WNK3: variants seen among roughly 807,000 people sequenced by gnomAD.
WNK3 encodes the protein serine/threonine-protein kinase WNK3.
A neutral mutation model predicts 116.7 loss-of-function variants in WNK3; 18 were observed. That is an observed-to-expected ratio of 0.15 (90% CI 0.11 to 0.23). The LOEUF is 0.23. WNK3 is among the 10% of genes least tolerant of loss of function. The pLI is 1.00. For missense variants in WNK3, 993 were observed against 1,323.8 expected (o/e 0.75, Z 3.88); for synonymous variants, 404 against 469.4 (o/e 0.86, Z 1.80).
chrX:54,286,641 G>C (rs1478525361), intron 10 of WNK3, among the ~76,000 whole-genome samples: 2 of 111,059 alleles, frequency 1.8e-5, no homozygotes, highest in African/African-American at 6.6e-5. Context: ...GGCTGGGCAT[G>C]GTGGCTCACG....
chrX:54,324,407 A>G (rs1172922226), intron 2 of WNK3, among the ~76,000 whole-genome samples: 2 of 112,173 alleles, frequency 1.8e-5, no homozygotes, highest in Non-Finnish European at 3.8e-5. Flanking sequence ...CTATCAAGCA[A>G]ATAATTAGCT....
chrX:54,294,979 C>G (rs1329220367), intron 7 of WNK3, 132 bp from the exon 8 acceptor site: 9 of 477,969 alleles, frequency 1.9e-5, no homozygotes, highest in Non-Finnish European at 9.4e-6. Flanking sequence ...CTCACTGCAA[C>G]TCTGTCTCCT....
chrX:54,209,970 C>T (rs782747315), intron 22 of WNK3, among the ~76,000 whole-genome samples: 1 of 111,900 alleles, frequency 8.9e-6, no homozygotes, highest in East Asian at 2.8e-4. Flanking sequence ...AGAAATTCTA[C>T]AGTGGAGAGA....
chrX:54,198,373 G>A (rs782613910), exon 24 of WNK3: 25 of 1,209,377 alleles, frequency 2.1e-5, no homozygotes, highest in Non-Finnish European at 2.8e-5. Flanking sequence ...TGATGAAGTT[G>A]GAAATGCCTG....
chrX:54,302,006 T>TA, intron 5 of WNK3, 147 bp from the exon 6 acceptor site: 1 of 447,742 alleles, frequency 2.2e-6, no homozygotes, highest in South Asian at 3.8e-5. Flanking sequence ...ATAGAGAACA[T>TA]AAGTTTAATA....
At chrX:54,313,971 C>T (rs1389264430) in intron 2 of WNK3, among the ~76,000 whole-genome samples, 2 of 109,266 alleles carry the variant, frequency 1.8e-5, no homozygotes, top group African/African-American at 6.7e-5. Flanking sequence ...GCGGGCAGAT[C>T]GCCTGAGGTC....
chrX:54,326,310 T>C (rs1179039871), intron 2 of WNK3, among the ~76,000 whole-genome samples: 3 of 111,114 alleles, frequency 2.7e-5, no homozygotes, highest in Admixed American at 9.6e-5. Flanking sequence ...CAGGATGGTC[T>C]CAATCTCCTG....
chrX:54,211,345 G>A (rs1415561724), intron 22 of WNK3, among the ~76,000 whole-genome samples: 2 of 108,546 alleles, frequency 1.8e-5, no homozygotes, highest in Non-Finnish European at 3.8e-5. Flanking sequence ...GGGAGACTGA[G>A]GTGGGAGGAT....
chrX:54,218,926 TGATA>T (rs781792948), intron 22 of WNK3, among the ~76,000 whole-genome samples: 17 of 110,107 alleles, frequency 1.5e-4, no homozygotes, highest in East Asian at 2.8e-4. Flanking sequence ...ATAAATAAAT[TGATA>T]GATAGATAAA....
At chrX:54,325,555 T>C (rs934059626) in intron 2 of WNK3, among the ~76,000 whole-genome samples, 3 of 106,896 alleles carry the variant, frequency 2.8e-5, no homozygotes, top group African/African-American at 1.0e-4. Flanking sequence ...AGCACATGCC[T>C]GTAATCCCAG....
chrX:54,195,652 C>CT (rs1472202745), exon 24 of WNK3: 1 of 111,310 alleles, frequency 9.0e-6, no homozygotes, highest in Non-Finnish European at 1.9e-5. Flanking sequence ...CACAAGCTCA[C>CT]TTTTTTCTGT....
chrX:54,260,448 T>C (rs1557156471), intron 10 of WNK3, among the ~76,000 whole-genome samples: 3 of 111,969 alleles, frequency 2.7e-5, no homozygotes, highest in South Asian at 3.7e-4. Flanking sequence ...GTGTATGTAC[T>C]AATCAAAGAG....
At chrX:54,307,818 T>A (rs1182676434) in intron 5 of WNK3, 104 bp downstream of exon 5, 10 of 675,911 alleles carry the variant, frequency 1.5e-5, no homozygotes, top group Non-Finnish European at 2.2e-5. Context: ...TTTAATACTG[T>A]TACCTAGAGC....
rs1025687629 is a variant in WNK3, at chrX:54,259,931, G to T, written c.2038-593C>A. Among the ~76,000 whole-genome samples the T allele has an allele frequency of 2.7e-5, 3 of 111,944 alleles. No homozygotes were observed. In the Admixed American group the frequency reaches 2.9e-4, roughly 11 times the overall value. The stretch of plus-strand genomic sequence containing the variant: ...GCACTGCCACTAGTGATAGCAGAGT[G>T]ATCTTAGAATGCAAATCTAACAAAA... On this transcript the variant is annotated intron_variant, in intron 10 of 23. Transcript: ENST00000354646.
At chrX:54,249,922 T>C in intron 16 of WNK3, 72 bp downstream of exon 16, 1 of 1,088,336 alleles carries the variant, frequency 9.2e-7, no homozygotes, top group Non-Finnish European at 1.2e-6. Context: ...TGGAAACCAG[T>C]TAAAGATATC....
chrX:54,277,400 C>T (rs1208948535), intron 10 of WNK3, among the ~76,000 whole-genome samples: 25 of 107,300 alleles, frequency 2.3e-4, no homozygotes, highest in Admixed American at 1.9e-3. Flanking sequence ...TGAGGTGGTA[C>T]GATCTCGGCT....
At chrX:54,284,200 C>T (rs901094019) in intron 10 of WNK3, among the ~76,000 whole-genome samples, 1 of 111,179 alleles carries the variant, frequency 9.0e-6, no homozygotes, top group African/African-American at 3.3e-5. Flanking sequence ...TCTGTAAATC[C>T]ATAATAAAAA....
Position 54,345,167 on chromosome X carries a change from G to A in WNK3, c.-119-11375C>T, listed in dbSNP as rs1193471745. ...TGAGGCAGGAGAATGGTGTGAACCCGGGAGGCGGAGCTTGCAGTGAGCCGA... is the reference window on the plus strand; with the variant it reads ...TGAGGCAGGAGAATGGTGTGAACCCAGGAGGCGGAGCTTGCAGTGAGCCGA... On this transcript the variant is annotated intron_variant, in intron 1 of 23. Coordinates refer to ENST00000354646, the Ensembl canonical transcript of WNK3. Among the ~76,000 whole-genome samples, 7 of 107,872 alleles carry A rather than the reference G, an allele frequency of 6.5e-5. No individual in the cohort carries two copies. In the East Asian group the frequency reaches 2.0e-3, roughly 31 times the overall value. The allele number at this position is 107,872 out of a possible 115,157, so 93.7% of individuals were successfully genotyped here. A position where few individuals can be genotyped will look rare whatever the true frequency, so the allele number is the denominator to read the frequency against.
chrX:54,220,209 GTTC>G (rs782009321), intron 22 of WNK3, among the ~76,000 whole-genome samples: 23 of 111,864 alleles, frequency 2.1e-4, no homozygotes, highest in African/African-American at 6.8e-4. Flanking sequence ...CTAATAACTA[GTTC>G]TTCTTGATGA....
Sources: gnomAD v4.1 joint callset for allele counts (sites outside exome capture counted in the v4.1 genomes callset) on GRCh38, gnomAD v4.1.1 for gene constraint, MANE v1.5 for transcripts, NCBI Gene and HGNC (gene_info 2026-07-23, HGNC 2026-07-21) for gene names.